PRKCI: variants seen among roughly 807,000 people sequenced by gnomAD.
PRKCI encodes protein kinase C iota type.
Under a neutral mutation model 84.0 loss-of-function variants are expected in PRKCI, and 43 were observed. That is an observed-to-expected ratio of 0.51 (90% CI 0.40 to 0.66). The LOEUF is 0.66. Among genes scored for constraint, PRKCI ranks in the 30% least tolerant of loss-of-function variants. The pLI, the probability that PRKCI is intolerant of heterozygous loss-of-function variation, is 0.00. For missense variants in PRKCI, 459 were observed against 745.6 expected, an observed-to-expected ratio of 0.62 and a Z score of 4.48; for synonymous variants, 216 against 234.4, an observed-to-expected ratio of 0.92 and a Z score of 0.72.
At chr3:170,228,612 T>TACAC (rs1361444998) in intron 1 of PRKCI, among the ~76,000 whole-genome samples, 2 of 124,534 alleles carry the variant, frequency 1.6e-5, no homozygotes, top group African/African-American at 6.6e-5. Context: ...AATATATATA[T>TACAC]ATATACACAC....
In PRKCI at chr3:170,270,533, T is replaced by C. The variant is rs147562215; in HGVS notation, c.563T>C (p.Ile188Thr). ...AAGAAGTGCCATAAACTCGTCACAA[T>C]TGAATGTGGGCGGCATTCTTTGCCA... ...VHKKCHKLVT[I>T]ECGRHSLPQE... The change falls in exon 6 of 18, where the codon ATT (isoleucine) becomes ACT (threonine). Residue 188 changes from isoleucine (I) to threonine (T), a missense_variant. Physicochemically the swap from Ile to Thr is moderately conservative, Grantham distance 89. Coordinates refer to ENST00000295797, the MANE Select transcript of PRKCI (RefSeq NM_002740.6). 5.6e-5 allele frequency: 91 copies of C among 1,613,028 alleles called. No homozygotes were observed. In the African/African-American group the frequency reaches 1.1e-3, roughly 19 times the overall value.
Position 170,268,013 on chromosome 3 carries a change from T to A in PRKCI, c.450+13T>A. The A allele has an allele frequency of 6.3e-7, 1 of 1,592,478 alleles. No individual in the cohort carries two copies. The highest frequency in any genetic ancestry group is 1.1e-5 in the South Asian group (1 of 88,544). ...GCGTTTCAACAGGGTAAACATAGTT[T>A]GTTGAATGTCGATAATGTGAAACAG... On this transcript the variant is annotated intron_variant, in intron 5 of 17. Transcript: ENST00000295797.
intron 1 of PRKCI, among the ~76,000 whole-genome samples, chr3:170,228,780 G>C (rs930300337): frequency 6.6e-6 from 1 of 152,060 alleles, no homozygotes; most frequent in Non-Finnish European, 1.5e-5. Flanking sequence ...ATGTAGCCAT[G>C]AAGTCTGGTC....
At chr3:170,282,869 G>A (rs1259641156) in intron 11 of PRKCI, among the ~76,000 whole-genome samples, 4 of 151,928 alleles carry the variant, frequency 2.6e-5, no homozygotes, top group Non-Finnish European at 4.4e-5. Context: ...CACTTTGGGA[G>A]GCCGAGGCGG....
chr3:170,231,194 CA>C, intron 1 of PRKCI, among the ~76,000 whole-genome samples: 1 of 151,896 alleles, frequency 6.6e-6, no homozygotes, highest in African/African-American at 2.4e-5. Context: ...CTCCTTACCT[CA>C]GGTGATCCAT....
chr3:170,223,916 C>CT (rs3842653), intron 1 of PRKCI, among the ~76,000 whole-genome samples: 20 of 150,198 alleles, frequency 1.3e-4, no homozygotes, highest in African/African-American at 3.2e-4. Flanking sequence ...GATGTAAGGA[C>CT]TTTTTTTTTT....
chr3:170,268,996 C>T (rs563963737), intron 5 of PRKCI, among the ~76,000 whole-genome samples: 1 of 152,090 alleles, frequency 6.6e-6, no homozygotes, highest in African/African-American at 2.4e-5. Flanking sequence ...CTCACTGCAA[C>T]CTGCATCTCT....
At chr3:170,252,916 C>T (rs930190544) in intron 2 of PRKCI, among the ~76,000 whole-genome samples, 2 of 152,166 alleles carry the variant, frequency 1.3e-5, no homozygotes, top group African/African-American at 4.8e-5. Context: ...TACTCTCTAT[C>T]TCCATGAGTT....
intron 2 of PRKCI, among the ~76,000 whole-genome samples, chr3:170,245,956 T>A (rs1352621001): frequency 6.9e-6 from 1 of 144,850 alleles, no homozygotes; most frequent in East Asian, 2.0e-4. Context: ...TTTGTTTTTT[T>A]TTTTTTTTTT....
At chr3:170,278,117 T>G (rs1328304808) in intron 8 of PRKCI, among the ~76,000 whole-genome samples, 2 of 152,234 alleles carry the variant, frequency 1.3e-5, no homozygotes, top group African/African-American at 2.4e-5. Flanking sequence ...TTAGGCCCTT[T>G]GAAGATGACA....
rs148695835 is a variant in PRKCI, at chr3:170,295,939, A to G, written c.1446A>G (p.Pro482=). The change falls in exon 15 of 18, where the codon CCA becomes CCG. Residue 482 remains proline, a synonymous_variant. Coordinates refer to ENST00000295797, the MANE Select transcript of PRKCI (RefSeq NM_002740.6). ...TTTTGGAAAAACAAATTCGCATACCACGTTCTCTGTCTGTAAAAGCTGCAA... is the reference window on the plus strand; with the variant it reads ...TTTTGGAAAAACAAATTCGCATACCGCGTTCTCTGTCTGTAAAAGCTGCAA... ...QVILEKQIRI[P]RSLSVKAASV... 5.1e-6 allele frequency: 8 copies of G among 1,575,176 alleles called. No homozygotes were observed. Among genetic ancestry groups the G allele is most frequent in the African/African-American group, 4.0e-5 (3 of 74,096 alleles).
chr3:170,263,473 C>T, intron 4 of PRKCI, 44 bp downstream of exon 4: 1 of 1,475,156 alleles, frequency 6.8e-7, no homozygotes, highest in Non-Finnish European at 9.4e-7. Flanking sequence ...AGTTACTATG[C>T]TATGGTACAA....
At chr3:170,277,615 A>G (rs1183994242) in intron 8 of PRKCI, among the ~76,000 whole-genome samples, 2 of 151,362 alleles carry the variant, frequency 1.3e-5, no homozygotes, top group Admixed American at 6.6e-5. Context: ...AATGGTGTGA[A>G]CCCAGGAGGC....
intron 2 of PRKCI, among the ~76,000 whole-genome samples, chr3:170,245,243 G>C (rs566581460): frequency 6.6e-6 from 1 of 152,114 alleles, no homozygotes; most frequent in Non-Finnish European, 1.5e-5. Flanking sequence ...TAATTTGACT[G>C]ATTTGTGGCT....
rs1734613818 is a variant in PRKCI at position 170,293,437 on chromosome 3, G to A, written c.1346G>A (p.Gly449Glu). 6.2e-7 allele frequency: 1 copy of A among 1,613,478 alleles called. No individual in the cohort carries two copies. ...LGVLMFEMMA[G>E]RSPFDIVGSS... is the part of the protein sequence containing the mutation. ...GTGCTCATGTTTGAGATGATGGCAG[G>A]AAGGTCTCCATTTGATATTGTTGGG... The change falls in exon 14 of 18, where the codon GGA (glycine) becomes GAA (glutamate). Residue 449 changes from glycine to glutamate, a missense_variant. This residue lies in a region of PRKCI where 209 missense variants were observed against 425.9 expected (regional missense o/e 0.49). Transcript: ENST00000295797.
At chr3:170,269,391 A>G (rs1247940555) in intron 5 of PRKCI, among the ~76,000 whole-genome samples, 1 of 152,148 alleles carries the variant, frequency 6.6e-6, no homozygotes, top group South Asian at 2.1e-4. Flanking sequence ...GCTGGGTGCA[A>G]TGGCACATGC....
intron 8 of PRKCI, among the ~76,000 whole-genome samples, chr3:170,276,816 G>A (rs570074045): frequency 4.7e-4 from 72 of 152,176 alleles, no homozygotes; most frequent in Non-Finnish European, 8.1e-4. Flanking sequence ...GAGCTTCCAC[G>A]CAGCAAAAGA....
At position 170,277,086 on chromosome 3, in the gene PRKCI, C is replaced by CAAA. The variant is rs36053479; in HGVS notation, c.705+1813_705+1815dup. On this transcript the variant is annotated intron_variant, in intron 8 of 17. Coordinates refer to ENST00000295797, the MANE Select transcript of PRKCI (RefSeq NM_002740.6). ...TGAAACCCCATGTCTACTAAAAATA[C>CAAA]AAAAAAAAAAAAAAAATTAGGGCGT... Among the ~76,000 whole-genome samples, 7 of 128,342 alleles carry CAAA rather than the reference C, an allele frequency of 5.5e-5. No individual in the cohort carries two copies. In the East Asian group the frequency reaches 6.7e-4, roughly 12 times the overall value. The allele number at this position is 128,342 out of a possible 152,430, so 84.2% of individuals were successfully genotyped here. A position where few individuals can be genotyped will look rare whatever the true frequency, so the allele number is the denominator to read the frequency against.
chr3:170,271,951 A>G (rs1239574744), intron 6 of PRKCI, among the ~76,000 whole-genome samples: 1 of 152,184 alleles, frequency 6.6e-6, no homozygotes, highest in Non-Finnish European at 1.5e-5. Context: ...CTCCTGCCTC[A>G]GCCTCCCAAG....
Sources: gnomAD v4.1 joint callset for allele counts (sites outside exome capture counted in the v4.1 genomes callset) on GRCh38, gnomAD v4.1.1 for gene constraint, gnomAD v4.1.1 regional missense constraint, MANE v1.5 for transcripts, NCBI Gene and HGNC (gene_info 2026-07-23, HGNC 2026-07-21) for gene names.